The following PBX3 variants were observed in gnomAD, a reference collection of about 807,000 sequenced individuals.
PBX3 encodes pre-B-cell leukemia transcription factor 3.
PBX3 carries 14 observed loss-of-function variants against 48.5 expected under a neutral mutation model. That is an observed-to-expected ratio of 0.29 (90% CI 0.19 to 0.45). The LOEUF is 0.45. Ranked by LOEUF, PBX3 falls within the 20% of genes least tolerant of loss-of-function variation. The pLI is 1.00. For synonymous variants in PBX3, 210 were observed against 200.3 expected, an observed-to-expected ratio of 1.05 and a Z score of -0.41; for missense variants, 386 against 546.7, an observed-to-expected ratio of 0.71 and a Z score of 2.93.
intron 2 of PBX3, among the ~76,000 whole-genome samples, chr9:125,889,458 A>G (rs1244302999): frequency 6.6e-6 from 1 of 152,186 alleles, no homozygotes; most frequent in Non-Finnish European, 1.5e-5. Flanking sequence ...TAATGGATGT[A>G]TGGGAGCTCG....
chr9:125,818,199 CAAAA>C (rs1838525336), intron 2 of PBX3, among the ~76,000 whole-genome samples: 2 of 139,922 alleles, frequency 1.4e-5, no homozygotes, highest in Non-Finnish European at 3.0e-5. Flanking sequence ...CCTTTCGTCT[CAAAA>C]AAACCAAAAA....
At chr9:125,920,823 A>G (rs1342339894) in intron 3 of PBX3, among the ~76,000 whole-genome samples, 3 of 152,214 alleles carry the variant, frequency 2.0e-5, no homozygotes, top group Non-Finnish European at 4.4e-5. Flanking sequence ...CCAATCAGGT[A>G]GCGTTTGGCT....
chr9:125,813,742 A>G (rs567758799), intron 2 of PBX3, among the ~76,000 whole-genome samples: 1 of 152,206 alleles, frequency 6.6e-6, no homozygotes, highest in Admixed American at 6.5e-5. Flanking sequence ...TTCTTTAAGT[A>G]TACTTGGTTC....
chr9:125,910,171 A>T (rs1264186688), intron 2 of PBX3, among the ~76,000 whole-genome samples: 8 of 152,302 alleles, frequency 5.3e-5, no homozygotes, highest in African/African-American at 1.9e-4. Flanking sequence ...ATGTAAACAA[A>T]TCTCAGTGGG....
At chr9:125,963,580 T>TGGAG (rs1842474593) in intron 8 of PBX3, among the ~76,000 whole-genome samples, 1 of 152,188 alleles carries the variant, frequency 6.6e-6, no homozygotes. Context: ...ATTTTAATTA[T>TGGAG]GGAGGAAATA....
chr9:125,899,247 ATG>A (rs1840855464), intron 2 of PBX3, among the ~76,000 whole-genome samples: 1 of 131,536 alleles, frequency 7.6e-6, no homozygotes, highest in Non-Finnish European at 1.6e-5. Context: ...AAATATACAT[ATG>A]TATATATATT....
At chr9:125,935,339 T>C in intron 4 of PBX3, 133 bp from the exon 5 acceptor site, 1 of 714,418 alleles carries the variant, frequency 1.4e-6, no homozygotes, top group South Asian at 2.0e-5. Flanking sequence ...ACGTATAATA[T>C]CACAGAAATA....
chr9:125,845,333 CAGTTGCATACA>C (rs1268856208), intron 2 of PBX3, among the ~76,000 whole-genome samples: 5 of 152,146 alleles, frequency 3.3e-5, no homozygotes, highest in Admixed American at 6.6e-5. Flanking sequence ...AGGATGCATA[CAGTTGCATACA>C]TTACGCTTTG....
At chr9:125,847,389 GATTAA>G (rs956593865) in intron 2 of PBX3, among the ~76,000 whole-genome samples, 4 of 151,898 alleles carry the variant, frequency 2.6e-5, no homozygotes, top group African/African-American at 9.7e-5. Context: ...TAGGTGAATT[GATTAA>G]ATTATGTTAT....
At chr9:125,837,667 CTT>C (rs555105795) in intron 2 of PBX3, among the ~76,000 whole-genome samples, 251 of 149,466 alleles carry the variant, frequency 1.7e-3, no homozygotes, top group African/African-American at 5.4e-3. Context: ...GGTCTCAAGA[CTT>C]TTTTTTTTCT....
At chr9:125,841,070 T>C (rs2132229239) in intron 2 of PBX3, among the ~76,000 whole-genome samples, 1 of 152,308 alleles carries the variant, frequency 6.6e-6, no homozygotes, top group African/African-American at 2.4e-5. Context: ...CGCTAGGGAC[T>C]ATGAATAGCC....
At chr9:125,747,693 G>A (rs1193050285) in intron 1 of PBX3, 40 bp downstream of exon 1, 1 of 1,469,826 alleles carries the variant, frequency 6.8e-7, no homozygotes. Context: ...TGTGTGTGCG[G>A]GAGCCGGGCC....
chr9:125,833,021 C>G (rs1320693406), intron 2 of PBX3, among the ~76,000 whole-genome samples: 1 of 152,116 alleles, frequency 6.6e-6, no homozygotes. Context: ...TCGGGAAGTT[C>G]CAGCATCTGT....
chr9:125,840,888 A>C (rs1263787645), intron 2 of PBX3, among the ~76,000 whole-genome samples: 8 of 152,162 alleles, frequency 5.3e-5, no homozygotes, highest in South Asian at 2.1e-4. Context: ...CTCCTTTGTG[A>C]AATTATTTGC....
intron 2 of PBX3, among the ~76,000 whole-genome samples, chr9:125,805,193 G>A (rs1004478619): frequency 1.3e-5 from 2 of 152,058 alleles, no homozygotes; most frequent in Admixed American, 1.3e-4. Context: ...TGGGAGAAGA[G>A]CATTCCAGGA....
At chr9:125,915,651 C>T in intron 2 of PBX3, 35 bp from the exon 3 acceptor site, 1 of 1,540,908 alleles carries the variant, frequency 6.5e-7, no homozygotes, top group Non-Finnish European at 8.8e-7. Flanking sequence ...TTTCTCGCTT[C>T]TTCTCTCTCT....
intron 3 of PBX3, among the ~76,000 whole-genome samples, chr9:125,929,092 A>G (rs1841655172): frequency 6.6e-6 from 1 of 152,190 alleles, no homozygotes; most frequent in Non-Finnish European, 1.5e-5. Context: ...TATTGTTTAA[A>G]GCTCAATCCG....
chr9:125,814,667 C>G (rs1293637735), intron 2 of PBX3, among the ~76,000 whole-genome samples: 1 of 152,200 alleles, frequency 6.6e-6, no homozygotes, highest in African/African-American at 2.4e-5. Flanking sequence ...AGTACTGGAT[C>G]AATTTAGCCT....
At chr9:125,894,126 A>AT (rs1351696853) in intron 2 of PBX3, among the ~76,000 whole-genome samples, 1 of 152,120 alleles carries the variant, frequency 6.6e-6, no homozygotes, top group Non-Finnish European at 1.5e-5. Context: ...TACAGAAACT[A>AT]TTTTTTGTTG....
Sources: allele counts gnomAD v4.1 joint callset (sites outside exome capture counted in the v4.1 genomes callset), GRCh38; gene constraint gnomAD v4.1.1; transcripts MANE v1.5; gene names NCBI Gene and HGNC (gene_info 2026-07-23, HGNC 2026-07-21).